The following CDH17 variants were observed in gnomAD, a reference collection of about 807,000 sequenced individuals.
CDH17 encodes the protein cadherin 17.
CDH17 carries 67 observed loss-of-function variants against 86.3 expected under a neutral mutation model. That is an observed-to-expected ratio of 0.78 (90% CI 0.64 to 0.95). The LOEUF (loss-of-function observed/expected upper bound fraction) is 0.95, where lower values mean the gene tolerates loss of function less well. Among genes scored for constraint, CDH17 ranks in the 40% least tolerant of loss-of-function variants. The pLI is 0.00. For synonymous variants in CDH17, 367 were observed against 366.4 expected (o/e 1.00, Z -0.02); for missense variants, 993 against 1,017.6 (o/e 0.98, Z 0.33).
At chr8:94,198,465 A>G (rs1342811157) in intron 1 of CDH17, among the ~76,000 whole-genome samples, 1 of 152,246 alleles carries the variant, frequency 6.6e-6, no homozygotes, top group African/African-American at 2.4e-5. Flanking sequence ...GAATAAATTA[A>G]GTCTAACAAA....
chr8:94,167,639 G>A (rs2130630654), intron 9 of CDH17, among the ~76,000 whole-genome samples: 1 of 152,286 alleles, frequency 6.6e-6, no homozygotes, highest in Non-Finnish European at 1.5e-5. Flanking sequence ...ATGAAAGAGT[G>A]TCTTACTAAA....
At chr8:94,191,045 C>T (rs1336806432) in intron 2 of CDH17, among the ~76,000 whole-genome samples, 1 of 152,212 alleles carries the variant, frequency 6.6e-6, no homozygotes, top group Non-Finnish European at 1.5e-5. Context: ...AAACCAAGTT[C>T]CCTTTCCCAG....
At chr8:94,173,294 G>A (rs772233237) in intron 7 of CDH17, among the ~76,000 whole-genome samples, 45 of 152,226 alleles carry the variant, frequency 3.0e-4, no homozygotes, top group African/African-American at 4.8e-4. Flanking sequence ...CAGATCCCTC[G>A]TGAATGGCTG....
intron 1 of CDH17, among the ~76,000 whole-genome samples, chr8:94,215,748 A>G (rs1280969358): frequency 6.6e-6 from 1 of 152,204 alleles, no homozygotes; most frequent in Non-Finnish European, 1.5e-5. Context: ...AAATATACAA[A>G]ACATAGGCTA....
At chr8:94,193,566 G>A (rs1813725942) in intron 2 of CDH17, among the ~76,000 whole-genome samples, 1 of 152,152 alleles carries the variant, frequency 6.6e-6, no homozygotes, top group South Asian at 2.1e-4. Context: ...TCTTATCACT[G>A]GTAGTGGAGG....
upstream of CDH17, among the ~76,000 whole-genome samples, chr8:94,213,223 C>T (rs1814148845): frequency 6.6e-6 from 1 of 152,214 alleles, no homozygotes; most frequent in African/African-American, 2.4e-5. Context: ...TCTCCTGCCT[C>T]GGTCTCCCAA....
At chr8:94,155,331 T>G (rs1812926883) in intron 12 of CDH17, among the ~76,000 whole-genome samples, 1 of 151,872 alleles carries the variant, frequency 6.6e-6, no homozygotes, top group Non-Finnish European at 1.5e-5. Flanking sequence ...ATGACAGAAC[T>G]GTCCAGTTGA....
intron 3 of CDH17, among the ~76,000 whole-genome samples, chr8:94,185,101 T>C (rs993273735): frequency 7.2e-5 from 11 of 152,164 alleles, no homozygotes; most frequent in African/African-American, 2.4e-4. Flanking sequence ...CTGTGTTCTA[T>C]TGTTGGCTCT....
At position 94,165,158 on chromosome 8, in the gene CDH17, G is replaced by A. The variant is rs367752716; in HGVS notation, c.1282+603C>T. On this transcript the variant is annotated intron_variant, in intron 10 of 17. Coordinates refer to ENST00000027335, the MANE Select transcript of CDH17 (RefSeq NM_004063.4). The stretch of plus-strand genomic sequence containing the variant: ...GTGCCTGGCAGACCTCCAACAACAG[G>A]GTTGTTAATTGACAACAGCTCCACT... Among the ~76,000 whole-genome samples the A allele has an allele frequency of 4.6e-5, 7 of 152,210 alleles. No homozygotes were observed. In the East Asian group the frequency reaches 9.7e-4, roughly 21 times the overall value.
chr8:94,163,894 G>A (rs980390470), intron 10 of CDH17, among the ~76,000 whole-genome samples: 4 of 152,206 alleles, frequency 2.6e-5, no homozygotes, highest in South Asian at 4.1e-4. Context: ...CACACACCTC[G>A]TTTGACCAGC....
intron 13 of CDH17, among the ~76,000 whole-genome samples, chr8:94,150,044 T>C (rs1462996957): frequency 6.6e-6 from 1 of 152,190 alleles, no homozygotes; most frequent in African/African-American, 2.4e-5. Flanking sequence ...GCAACCTACA[T>C]ATCAAAGGAC....
At chr8:94,179,887 CATT>C (rs1813446186) in intron 3 of CDH17, among the ~76,000 whole-genome samples, 1 of 152,140 alleles carries the variant, frequency 6.6e-6, no homozygotes, top group African/African-American at 2.4e-5. Flanking sequence ...TGCCACATCA[CATT>C]ATTTAAAATG....
intron 13 of CDH17, 113 bp from the exon 14 acceptor site, chr8:94,148,987 A>G: frequency 1.3e-6 from 1 of 752,834 alleles, no homozygotes; most frequent in Non-Finnish European, 2.0e-6. Flanking sequence ...TGTTGTAAAT[A>G]ATATACAAAT....
intron 2 of CDH17, among the ~76,000 whole-genome samples, chr8:94,191,260 G>A (rs766980159): frequency 2.6e-5 from 4 of 152,122 alleles, no homozygotes; most frequent in Non-Finnish European, 5.9e-5. Flanking sequence ...AACCCTGAGA[G>A]GACAAACCAG....
At position 94,130,583 on chromosome 8, in the gene CDH17, G is replaced by A. The variant is rs554411229; in HGVS notation, c.2398+43C>T. 541 of 1,352,318 alleles carry A rather than the reference G, an allele frequency of 4.0e-4. 7 individuals are homozygous for A. The South Asian group carries it at 6.3e-3, about 16-fold the overall frequency. 83.8% of individuals were successfully genotyped at this position (1,352,318 alleles called of 1,614,324 possible). A position where few individuals can be genotyped will look rare whatever the true frequency, so the allele number is the denominator to read the frequency against. On this transcript the variant is annotated intron_variant, in intron 17 of 17. Transcript: ENST00000027335. ...GGCCCTGAGATGAGCTCACATTTCT[G>A]AGGCCCAGGATAAGACTCTTTGAAT... is the stretch of plus-strand genomic sequence containing the variant.
At chr8:94,196,425 C>A (rs528979560) in intron 1 of CDH17, among the ~76,000 whole-genome samples, 1 of 152,214 alleles carries the variant, frequency 6.6e-6, no homozygotes, top group South Asian at 2.1e-4. Flanking sequence ...CAGTAACAGG[C>A]GGGAAACAAT....
chr8:94,159,172 A>T (rs1813001356), intron 12 of CDH17, among the ~76,000 whole-genome samples: 1 of 152,164 alleles, frequency 6.6e-6, no homozygotes, highest in Non-Finnish European at 1.5e-5. Flanking sequence ...CAGAGAAAAG[A>T]GTCAAGATTC....
intron 10 of CDH17, among the ~76,000 whole-genome samples, chr8:94,163,424 C>A (rs577692853): frequency 6.6e-6 from 1 of 152,374 alleles, no homozygotes; most frequent in African/African-American, 2.4e-5. Context: ...TGGCAAGAGA[C>A]TGGAGGGAGG....
At position 94,174,102 on chromosome 8, in the gene CDH17, CCTCTCGGGTAAGAGAGATGG is replaced by C. The variant is rs772021761; in HGVS notation, c.563_582del (p.Ala188GlyfsTer9). On this transcript the variant is annotated frameshift_variant and splice_region_variant, in exon 6 of 18. Transcript: ENST00000027335. LOFTEE classifies it high-confidence loss of function. ...CCTACCAGGGCACCCCTGAACTTAC[CCTCTCGGGTAAGAGAGATGG>C]CTCCCGTTTTGTTGTTGATCTGAAA... is the stretch of plus-strand genomic sequence containing the variant. 2 of 1,613,422 alleles carry C rather than the reference CCTCTCGGGTAAGAGAGATGG, an allele frequency of 1.2e-6. No individual in the cohort carries two copies. The highest frequency in any genetic ancestry group is 8.5e-7 in the Non-Finnish European group (1 of 1,179,590).
Sources: allele counts gnomAD v4.1 joint callset (sites outside exome capture counted in the v4.1 genomes callset), GRCh38; gene constraint gnomAD v4.1.1; transcripts MANE v1.5; gene names NCBI Gene and HGNC (gene_info 2026-07-23, HGNC 2026-07-21).